The following KCNH8 variants were observed in gnomAD, a reference collection of about 807,000 sequenced individuals.
KCNH8 encodes the protein potassium voltage-gated channel subfamily H member 8.
A neutral mutation model predicts 103.6 loss-of-function variants in KCNH8; 70 were observed. The observed-to-expected ratio is 0.68, with a 90% CI of 0.56 to 0.82. The LOEUF (loss-of-function observed/expected upper bound fraction) is 0.82. Ranked by LOEUF, KCNH8 falls within the 40% of genes least tolerant of loss-of-function variation. The pLI is 0.00. For missense variants in KCNH8, 1,217 were observed against 1,329.9 expected (o/e 0.92, Z 1.32); for synonymous variants, 498 against 489.4 (o/e 1.02, Z -0.23).
At chr3:19,266,260 T>C (rs1168129152) in intron 2 of KCNH8, among the ~76,000 whole-genome samples, 2 of 152,138 alleles carry the variant, frequency 1.3e-5, no homozygotes, top group Non-Finnish European at 2.9e-5. Context: ...GTTCCCTTCA[T>C]TTCTCATCAT....
At chr3:19,436,352 C>A (rs1286694589) in intron 7 of KCNH8, among the ~76,000 whole-genome samples, 5 of 151,948 alleles carry the variant, frequency 3.3e-5, no homozygotes, top group Non-Finnish European at 7.4e-5. Context: ...TGAGTTTCTC[C>A]AGCATAAAAA....
chr3:19,329,870 C>A (rs2065480930), intron 3 of KCNH8, among the ~76,000 whole-genome samples: 1 of 151,900 alleles, frequency 6.6e-6, no homozygotes, highest in Non-Finnish European at 1.5e-5. Context: ...CAGTCCCTGT[C>A]CCCCGTCCAG....
chr3:19,310,555 G>A (rs1215978451), intron 3 of KCNH8, among the ~76,000 whole-genome samples: 1 of 151,832 alleles, frequency 6.6e-6, no homozygotes, highest in Non-Finnish European at 1.5e-5. Context: ...TCTGAGGAAA[G>A]ACTGTGAGAA....
intron 5 of KCNH8, among the ~76,000 whole-genome samples, chr3:19,361,232 T>C (rs1205163009): frequency 6.6e-6 from 1 of 152,128 alleles, no homozygotes; most frequent in African/African-American, 2.4e-5. Context: ...GTTTTCCTAA[T>C]GGTTTTTCAA....
chr3:19,340,149 CCTG>C (rs1385723009), intron 3 of KCNH8, among the ~76,000 whole-genome samples: 1 of 151,878 alleles, frequency 6.6e-6, no homozygotes, highest in African/African-American at 2.4e-5. Context: ...TAGAACAGAG[CCTG>C]GCGCACAGTA....
At chr3:19,449,242 T>C (rs1440649183) in intron 8 of KCNH8, among the ~76,000 whole-genome samples, 1 of 151,346 alleles carries the variant, frequency 6.6e-6, no homozygotes, top group Non-Finnish European at 1.5e-5. Flanking sequence ...AGCAAGAAAC[T>C]GGAGGTTAAA....
intron 1 of KCNH8, among the ~76,000 whole-genome samples, chr3:19,205,359 A>G (rs2063704226): frequency 6.6e-6 from 1 of 152,070 alleles, no homozygotes; most frequent in Non-Finnish European, 1.5e-5. Context: ...TTCTTTTCTG[A>G]GAATTTAGAA....
At chr3:19,404,932 TA>T (rs1490395781) in intron 7 of KCNH8, among the ~76,000 whole-genome samples, 1 of 151,890 alleles carries the variant, frequency 6.6e-6, no homozygotes, top group African/African-American at 2.4e-5. Context: ...TTTACAAAAA[TA>T]TTACATAGTT....
intron 7 of KCNH8, among the ~76,000 whole-genome samples, chr3:19,425,559 G>A (rs1239682495): frequency 6.6e-6 from 1 of 152,152 alleles, no homozygotes; most frequent in Non-Finnish European, 1.5e-5. Context: ...TGAAGGTAAT[G>A]TTTTAGTCCC....
intron 1 of KCNH8, among the ~76,000 whole-genome samples, chr3:19,192,450 A>T (rs960653562): frequency 6.6e-6 from 1 of 151,498 alleles, no homozygotes; most frequent in African/African-American, 2.4e-5. Context: ...TTATCTTGGG[A>T]TTGTTTAAGG....
chr3:19,195,270 C>T (rs1210390274), intron 1 of KCNH8, among the ~76,000 whole-genome samples: 2 of 151,902 alleles, frequency 1.3e-5, no homozygotes, highest in Non-Finnish European at 2.9e-5. Flanking sequence ...TTCTAAGATG[C>T]CAGTGTGTTA....
intron 11 of KCNH8, among the ~76,000 whole-genome samples, chr3:19,461,063 A>C (rs2067618649): frequency 6.6e-6 from 1 of 152,196 alleles, no homozygotes; most frequent in African/African-American, 2.4e-5. Flanking sequence ...GAACAGACTA[A>C]TGCCCAGTTA....
chr3:19,532,227 C>T (rs1280356835), intron 15 of KCNH8, among the ~76,000 whole-genome samples: 1 of 152,108 alleles, frequency 6.6e-6, no homozygotes, highest in Non-Finnish European at 1.5e-5. Flanking sequence ...GTGTTTGGGC[C>T]ATGACAGCTA....
chr3:19,250,910 A>G (rs1297200145), intron 1 of KCNH8, among the ~76,000 whole-genome samples: 1 of 152,192 alleles, frequency 6.6e-6, no homozygotes, highest in Non-Finnish European at 1.5e-5. Flanking sequence ...ACCTGGCATT[A>G]TCATATAATA....
At chr3:19,390,760 C>G in intron 6 of KCNH8, 122 bp downstream of exon 6, 1 of 890,568 alleles carries the variant, frequency 1.1e-6, no homozygotes, top group Non-Finnish European at 1.7e-6. Flanking sequence ...ATAAAGATGC[C>G]CTGATGCCCA....
chr3:19,391,176 C>G (rs1318362182), intron 6 of KCNH8, among the ~76,000 whole-genome samples: 1 of 152,040 alleles, frequency 6.6e-6, no homozygotes, highest in Admixed American at 6.6e-5. Flanking sequence ...TAGCAAAAAT[C>G]TAAATCATAT....
chr3:19,241,919 G>A (rs2064147328), intron 1 of KCNH8, among the ~76,000 whole-genome samples: 1 of 152,016 alleles, frequency 6.6e-6, no homozygotes, highest in Non-Finnish European at 1.5e-5. Flanking sequence ...TGATGATAGA[G>A]AATAGTTGAG....
At chr3:19,521,337 T>G (rs1011090683) in intron 15 of KCNH8, among the ~76,000 whole-genome samples, 16 of 152,100 alleles carry the variant, frequency 1.1e-4, no homozygotes, top group Admixed American at 2.6e-4. Flanking sequence ...AACAAGGTGT[T>G]TACTTTCCCT....
chr3:19,200,691 T>C (rs116793169), intron 1 of KCNH8, among the ~76,000 whole-genome samples: 2,977 of 152,196 alleles, frequency 0.02, 90 homozygotes, highest in African/African-American at 0.066. Flanking sequence ...GTATATACTA[T>C]TGTCAGTTTA....
Sources: gnomAD v4.1 joint callset for allele counts (sites outside exome capture counted in the v4.1 genomes callset) on GRCh38, gnomAD v4.1.1 for gene constraint, MANE v1.5 for transcripts, NCBI Gene and HGNC (gene_info 2026-07-23, HGNC 2026-07-21) for gene names.